Variants in CCDC201 observed in about 807,000 individuals in gnomAD.
CCDC201 encodes coiled-coil domain-containing protein 201.
intron 1 of CCDC201, among the ~76,000 whole-genome samples, chr7:45,869,818 C>CA (rs1786723157): frequency 7.1e-6 from 1 of 140,232 alleles, no homozygotes; most frequent in Admixed American, 7.4e-5. Context: ...AGTTGCTCCA[C>CA]ATTTTTTTTT....
chr7:45,865,673 A>G (rs1786660406), intron 2 of CCDC201, among the ~76,000 whole-genome samples: 1 of 152,222 alleles, frequency 6.6e-6, no homozygotes, highest in Non-Finnish European at 1.5e-5. Flanking sequence ...CCTGTGAGCT[A>G]AAGAGCAATG....
chr7:45,870,957 T>C (rs960081309), intron 1 of CCDC201, among the ~76,000 whole-genome samples: 1 of 152,226 alleles, frequency 6.6e-6, no homozygotes, highest in Admixed American at 6.5e-5. Flanking sequence ...CTGGGACTTT[T>C]ATCAAACAGA....
upstream of CCDC201, among the ~76,000 whole-genome samples, chr7:45,876,732 C>T (rs1485990426): frequency 1.3e-5 from 2 of 152,234 alleles, no homozygotes; most frequent in Non-Finnish European, 2.9e-5. Flanking sequence ...CACTGGGTGG[C>T]AGCCGTCAGG....
intron 1 of CCDC201, among the ~76,000 whole-genome samples, chr7:45,870,607 A>G (rs1786732933): frequency 6.6e-6 from 1 of 152,234 alleles, no homozygotes; most frequent in Admixed American, 6.5e-5. Context: ...ACAGTGTAAT[A>G]AAACCCAAAA....
At chr7:45,864,209 G>A (rs921816184) in intron 2 of CCDC201, among the ~76,000 whole-genome samples, 1 of 152,140 alleles carries the variant, frequency 6.6e-6, no homozygotes, top group Admixed American at 6.5e-5. Context: ...TTGTCACAGC[G>A]ACTGAGGAAG....
chr7:45,871,925 G>A (rs935747585), intron 1 of CCDC201, among the ~76,000 whole-genome samples: 2 of 152,222 alleles, frequency 1.3e-5, no homozygotes, highest in Middle Eastern at 3.4e-3. Flanking sequence ...TCTATGGAAG[G>A]CAGTTTGGAA....
At chr7:45,881,258 C>T in the CCDC201 span, among the ~76,000 whole-genome samples, 1 of 152,128 alleles carries the variant, frequency 6.6e-6, no homozygotes, top group African/African-American at 2.4e-5. Flanking sequence ...CATTTCCCTC[C>T]ACCACCCAGG....
chr7:45,880,608 C>T, the CCDC201 span, among the ~76,000 whole-genome samples: 8 of 152,256 alleles, frequency 5.3e-5, no homozygotes, highest in Non-Finnish European at 1.2e-4. Context: ...GATGGTACCC[C>T]ACGTGATGGG....
chr7:45,881,042 G>A, the CCDC201 span, among the ~76,000 whole-genome samples: 2 of 152,214 alleles, frequency 1.3e-5, no homozygotes, highest in Non-Finnish European at 2.9e-5. Context: ...CCACCATCTA[G>A]TGAATTCAGG....
At chr7:45,879,889 C>T in the CCDC201 span, among the ~76,000 whole-genome samples, 2 of 152,150 alleles carry the variant, frequency 1.3e-5, no homozygotes, top group Non-Finnish European at 2.9e-5. Context: ...AGTTTGAGAC[C>T]AGCCTGGCCA....
At chr7:45,880,611 G>A in the CCDC201 span, among the ~76,000 whole-genome samples, 199 of 152,342 alleles carry the variant, frequency 1.3e-3, no homozygotes, top group African/African-American at 4.4e-3. Flanking sequence ...GGTACCCCAC[G>A]TGATGGGCAC....
intron 1 of CCDC201, among the ~76,000 whole-genome samples, chr7:45,869,707 T>G (rs1485396571): frequency 1.3e-5 from 2 of 152,218 alleles, no homozygotes. Flanking sequence ...CTTTCCAACC[T>G]GCCTGCACCA....
intron 1 of CCDC201, among the ~76,000 whole-genome samples, chr7:45,869,113 G>T (rs563799580): frequency 1.3e-5 from 2 of 152,244 alleles, no homozygotes; most frequent in Admixed American, 6.5e-5. Flanking sequence ...TAGAATATTT[G>T]AATGTGGCAT....
the CCDC201 span, among the ~76,000 whole-genome samples, chr7:45,881,053 G>T: frequency 6.6e-6 from 1 of 152,162 alleles, no homozygotes; most frequent in East Asian, 1.9e-4. Flanking sequence ...TGAATTCAGG[G>T]TTAATCAAAC....
chr7:45,871,447 C>G (rs540332992), intron 1 of CCDC201, among the ~76,000 whole-genome samples: 1 of 151,848 alleles, frequency 6.6e-6, no homozygotes, highest in South Asian at 2.1e-4. Flanking sequence ...CAAGATAACT[C>G]CAAGTGGATT....
At chr7:45,879,209 C>T in the CCDC201 span, among the ~76,000 whole-genome samples, 1 of 152,206 alleles carries the variant, frequency 6.6e-6, no homozygotes, top group Non-Finnish European at 1.5e-5. Flanking sequence ...ATTTTGGTCA[C>T]AACTATCTGA....
rs543414347 is a variant in CCDC201 at position 45,866,670 on chromosome 7, G to A, written c.19-176C>T. On this transcript the variant is annotated intron_variant, in intron 1 of 2. Transcript: ENST00000636578. ...ACCCAGGGGCAGAACTGCAGGCCCTGAGATGGAACCCTGCACAGGGCTAGA... is the reference window on the plus strand; with the variant it reads ...ACCCAGGGGCAGAACTGCAGGCCCTAAGATGGAACCCTGCACAGGGCTAGA... 2.6e-5 allele frequency among the ~76,000 whole-genome samples: 4 copies of A among 152,324 alleles called. No homozygotes were observed. The East Asian group carries it at 7.7e-4, about 29-fold the overall frequency.
At chr7:45,877,485 C>T (rs1407711042), upstream of CCDC201, among the ~76,000 whole-genome samples, 1 of 152,212 alleles carries the variant, frequency 6.6e-6, no homozygotes, top group African/African-American at 2.4e-5. Context: ...TTCATCAGCT[C>T]ACGTTTCTGA....
upstream of CCDC201, among the ~76,000 whole-genome samples, chr7:45,876,577 GC>G (rs1198581428): frequency 2.0e-5 from 3 of 152,212 alleles, no homozygotes; most frequent in African/African-American, 4.8e-5. Context: ...CTTAAGGGTT[GC>G]CCCAACCTCC....
Sources: allele counts gnomAD v4.1 joint callset (sites outside exome capture counted in the v4.1 genomes callset), GRCh38; gene constraint gnomAD v4.1.1; transcripts MANE v1.5; gene names NCBI Gene and HGNC (gene_info 2026-07-23, HGNC 2026-07-21).